FNDC3B: variants seen among roughly 807,000 people sequenced by gnomAD.
FNDC3B encodes fibronectin type III domain-containing protein 3B.
In FNDC3B, 12 loss-of-function variants were observed where a neutral mutation model predicts 151.5. The observed-to-expected ratio is 0.08, with a 90% CI of 0.05 to 0.13. The LOEUF is 0.13. Among genes scored for constraint, FNDC3B ranks in the 10% least tolerant of loss-of-function variants. The probability of loss-of-function intolerance (pLI) is 1.00; values close to 1 mark genes in which losing one functional copy is unlikely to be tolerated. For missense variants in FNDC3B, 1,214 were observed against 1,505.3 expected (o/e 0.81, Z 3.20); for synonymous variants, 528 against 549.0 (o/e 0.96, Z 0.54).
chr3:172,357,438 C>G (rs1230001935), intron 22 of FNDC3B, among the ~76,000 whole-genome samples: 1 of 152,158 alleles, frequency 6.6e-6, no homozygotes, highest in South Asian at 2.1e-4. Flanking sequence ...GAAAACTTCT[C>G]AAGTTTGGGT....
At chr3:172,189,438 G>A (rs577692964) in intron 3 of FNDC3B, among the ~76,000 whole-genome samples, 27 of 152,272 alleles carry the variant, frequency 1.8e-4, no homozygotes, top group East Asian at 9.6e-4. Flanking sequence ...CCATGGCAAC[G>A]AGGTAGTCTG....
At chr3:172,149,189 T>C (rs558658601) in intron 3 of FNDC3B, among the ~76,000 whole-genome samples, 21 of 152,380 alleles carry the variant, frequency 1.4e-4, no homozygotes, top group Admixed American at 6.5e-4. Context: ...CCCTTTGTTA[T>C]GTGCAGCTGT....
intron 3 of FNDC3B, among the ~76,000 whole-genome samples, chr3:172,181,415 CA>C (rs1283436921): frequency 3.0e-5 from 3 of 101,126 alleles, no homozygotes; most frequent in African/African-American, 8.2e-5. Context: ...AAAAAAAAAA[CA>C]AAAAAAAACA....
chr3:172,072,103 T>C (rs1717809555), intron 1 of FNDC3B, among the ~76,000 whole-genome samples: 1 of 150,004 alleles, frequency 6.7e-6, no homozygotes, highest in African/African-American at 2.5e-5. Flanking sequence ...ACAGCAGTGC[T>C]GTCCAATAGA....
In FNDC3B at chr3:172,272,457, C is replaced by A. The variant is rs187178986; in HGVS notation, c.791-13469C>A. On this transcript the variant is annotated intron_variant, in intron 6 of 25. Coordinates refer to ENST00000415807, the MANE Select transcript of FNDC3B (RefSeq NM_022763.4). The stretch of plus-strand genomic sequence containing the variant: ...CTGAGACCACATCTCTGGTCAGTGA[C>A]CAGAGATATCTGAGAGCTGATGGGC... Among the ~76,000 whole-genome samples, 5 of 152,148 alleles carry A rather than the reference C, an allele frequency of 3.3e-5. No individual in the cohort carries two copies. The East Asian group carries it at 9.7e-4, about 29-fold the overall frequency.
Position 172,166,932 on chromosome 3 carries a change from C to T in FNDC3B, c.187+33386C>T, listed in dbSNP as rs142326714. Among the ~76,000 whole-genome samples, 11 of 152,186 alleles carry T rather than the reference C, an allele frequency of 7.2e-5. 1 individual carries two copies. The highest frequency in any genetic ancestry group is 1.9e-4 in the African/African-American group (8 of 41,518). On this transcript the variant is annotated intron_variant, in intron 3 of 25. Coordinates refer to ENST00000415807, the MANE Select transcript of FNDC3B (RefSeq NM_022763.4). ...AATATTGTTGTCATTTGCTTTTCTA[C>T]GAAAGAAGCACATTTAGATAGTGAA... is the stretch of plus-strand genomic sequence containing the variant.
intron 23 of FNDC3B, among the ~76,000 whole-genome samples, chr3:172,367,031 G>A (rs867105657): frequency 3.9e-5 from 6 of 152,122 alleles, no homozygotes; most frequent in African/African-American, 1.2e-4. Context: ...CAAACCCTTG[G>A]CTCAAGGCAA....
chr3:172,270,303 A>G (rs931555166), intron 6 of FNDC3B, among the ~76,000 whole-genome samples: 1 of 152,198 alleles, frequency 6.6e-6, no homozygotes, highest in African/African-American at 2.4e-5. Context: ...AGCTGGGTGA[A>G]GTTTTTATTA....
intron 1 of FNDC3B, among the ~76,000 whole-genome samples, chr3:172,077,980 A>G (rs539583207): frequency 8.5e-5 from 13 of 152,078 alleles, no homozygotes; most frequent in African/African-American, 2.9e-4. Flanking sequence ...AATTATTTCT[A>G]TTTATTATTA....
chr3:172,195,970 A>T (rs931866433), intron 3 of FNDC3B, among the ~76,000 whole-genome samples: 2 of 152,198 alleles, frequency 1.3e-5, no homozygotes, highest in African/African-American at 4.8e-5. Context: ...GATTATATGA[A>T]ATGCTTAGCA....
intron 6 of FNDC3B, among the ~76,000 whole-genome samples, chr3:172,253,820 C>T (rs536385417): frequency 1.6e-4 from 25 of 151,900 alleles, no homozygotes; most frequent in Middle Eastern, 3.4e-3. Flanking sequence ...TGCCCTGTCA[C>T]GCAGGCTGGA....
chr3:172,239,411 A>T (rs984426783), intron 4 of FNDC3B, among the ~76,000 whole-genome samples: 1 of 152,206 alleles, frequency 6.6e-6, no homozygotes, highest in Non-Finnish European at 1.5e-5. Context: ...CAGCAATAAG[A>T]AATTCAGCCT....
intron 13 of FNDC3B, among the ~76,000 whole-genome samples, chr3:172,332,025 C>T (rs184909167): frequency 7.1e-4 from 108 of 152,232 alleles, no homozygotes; most frequent in African/African-American, 2.4e-3. Context: ...GGCTGGAGTG[C>T]GGTGGTGCAA....
chr3:172,310,042 C>T (rs1731389075), intron 10 of FNDC3B, among the ~76,000 whole-genome samples: 1 of 152,122 alleles, frequency 6.6e-6, no homozygotes, highest in African/African-American at 2.4e-5. Context: ...TCCGACTCCT[C>T]TTCCTGGTTG....
At chr3:172,364,089 GCTT>G (rs1323281378) in intron 23 of FNDC3B, among the ~76,000 whole-genome samples, 3 of 152,182 alleles carry the variant, frequency 2.0e-5, no homozygotes, top group African/African-American at 2.4e-5. Context: ...GGGAGGTAAA[GCTT>G]CTTTTGATAG....
At chr3:172,134,251 C>A in intron 3 of FNDC3B, 1 of 456,890 alleles carries the variant, frequency 2.2e-6, no homozygotes, top group Non-Finnish European at 4.4e-6. Context: ...TATACTAATG[C>A]CTCTTCTGTA....
At chr3:172,230,678 T>C (rs1358836383) in intron 4 of FNDC3B, among the ~76,000 whole-genome samples, 2 of 152,214 alleles carry the variant, frequency 1.3e-5, no homozygotes, top group Admixed American at 1.3e-4. Context: ...TAGACATTTC[T>C]CTAAAGAAGA....
intron 3 of FNDC3B, among the ~76,000 whole-genome samples, chr3:172,197,977 A>G (rs918913245): frequency 6.6e-6 from 1 of 152,224 alleles, no homozygotes; most frequent in African/African-American, 2.4e-5. Flanking sequence ...TCCTTTGCTC[A>G]TCAGATTGTT....
intron 22 of FNDC3B, among the ~76,000 whole-genome samples, chr3:172,356,213 G>T (rs530841938): frequency 5.9e-5 from 9 of 152,224 alleles, no homozygotes; most frequent in Non-Finnish European, 1.0e-4. Flanking sequence ...GGGTAGTTCA[G>T]TGGTAGCAGA....
Sources: allele counts gnomAD v4.1 joint callset (sites outside exome capture counted in the v4.1 genomes callset), GRCh38; gene constraint gnomAD v4.1.1; transcripts MANE v1.5; gene names NCBI Gene and HGNC (gene_info 2026-07-23, HGNC 2026-07-21).